RPS29: variants seen among roughly 807,000 people sequenced by gnomAD.
RPS29 encodes the protein ribosomal protein S29.
For missense variants in RPS29, 60 were observed against 75.7 expected, an observed-to-expected ratio of 0.79 and a Z score of 0.77; for synonymous variants, 37 against 26.9, an observed-to-expected ratio of 1.37 and a Z score of -1.16.
upstream of RPS29, among the ~76,000 whole-genome samples, chr14:49,588,536 C>CT (rs66796235): frequency 0.17 from 26,059 of 150,456 alleles, 2,521 homozygotes; most frequent in Admixed American, 0.27. Flanking sequence ...GTTTTTTTTC[C>CT]TTTTTTTTTG....
At chr14:49,587,759 C>T (rs1010360956), upstream of RPS29, among the ~76,000 whole-genome samples, 6 of 152,124 alleles carry the variant, frequency 3.9e-5, no homozygotes, top group African/African-American at 1.2e-4. Flanking sequence ...TGGGTGTGCT[C>T]ATGAAGTACG....
At chr14:49,587,915 G>A (rs1380792281), upstream of RPS29, among the ~76,000 whole-genome samples, 1 of 152,202 alleles carries the variant, frequency 6.6e-6, no homozygotes, top group Non-Finnish European at 1.5e-5. Flanking sequence ...AAGGTAAGGT[G>A]AACAACTTTG....
downstream of RPS29, among the ~76,000 whole-genome samples, chr14:49,582,076 G>C (rs1304002108): frequency 6.8e-6 from 1 of 147,486 alleles, no homozygotes; most frequent in African/African-American, 2.6e-5. Flanking sequence ...CCTAATGCAA[G>C]CAAATATCAC....
exon 3 of RPS29, chr14:49,574,113 A>G (rs1881120483): frequency 6.6e-6 from 1 of 152,232 alleles, no homozygotes; most frequent in Admixed American, 6.5e-5. Flanking sequence ...ATTACTCTTT[A>G]TGGGCAACTG....
intron 1 of RPS29, among the ~76,000 whole-genome samples, chr14:49,594,227 C>G (rs1343059351): frequency 6.6e-6 from 1 of 152,040 alleles, no homozygotes; most frequent in Non-Finnish European, 1.5e-5. Flanking sequence ...CCAAAATCAT[C>G]TTTTTACTGA....
upstream of RPS29, among the ~76,000 whole-genome samples, chr14:49,588,186 TA>T (rs544248264): frequency 3.1e-3 from 478 of 152,348 alleles, 4 homozygotes; most frequent in African/African-American, 0.011. Flanking sequence ...ATTCCATTAA[TA>T]TTTTTAGTAC....
At chr14:49,571,487 T>C (rs1212084740) in exon 3 of RPS29, 3 of 152,154 alleles carry the variant, frequency 2.0e-5, no homozygotes, top group Admixed American at 6.5e-5. Flanking sequence ...CACACCTGAA[T>C]TTGGGCTGGA....
chr14:49,590,506 T>A (rs1395778310), upstream of RPS29, among the ~76,000 whole-genome samples: 1 of 152,002 alleles, frequency 6.6e-6, no homozygotes, highest in African/African-American at 2.4e-5. Flanking sequence ...AAAACCTGCA[T>A]CGCTCTTGAG....
chr14:49,595,910 G>A (rs7150925), intron 1 of RPS29, among the ~76,000 whole-genome samples: 1,931 of 152,124 alleles, frequency 0.013, 39 homozygotes, highest in African/African-American at 0.043. Flanking sequence ...CTACTCAGGA[G>A]GCTGAGGCAG....
At chr14:49,572,524 A>T (rs1278980602) in exon 3 of RPS29, 1 of 152,140 alleles carries the variant, frequency 6.6e-6, no homozygotes, top group Admixed American at 6.5e-5. Context: ...AGAATAAATA[A>T]TTTTTTCCGA....
chr14:49,587,928 T>A (rs1881625834), upstream of RPS29, among the ~76,000 whole-genome samples: 1 of 152,230 alleles, frequency 6.6e-6, no homozygotes, highest in Non-Finnish European at 1.5e-5. Flanking sequence ...CAACTTTGTG[T>A]AACTAGAATA....
upstream of RPS29, among the ~76,000 whole-genome samples, chr14:49,590,321 C>A (rs780738277): frequency 5.3e-5 from 8 of 151,560 alleles, no homozygotes; most frequent in Non-Finnish European, 8.8e-5. Context: ...ACTAAAAATA[C>A]AAAAATTAGC....
At chr14:49,587,285 GACAAA>G (rs113799150), upstream of RPS29, among the ~76,000 whole-genome samples, 1,253 of 152,292 alleles carry the variant, frequency 8.2e-3, 15 homozygotes, top group African/African-American at 0.029. Flanking sequence ...ATAATTTGGT[GACAAA>G]ACAAGTAATG....
intron 1 of RPS29, 24 bp downstream of exon 1, chr14:49,586,261 C>G: frequency 6.2e-7 from 1 of 1,612,282 alleles, no homozygotes; most frequent in Non-Finnish European, 8.5e-7. Flanking sequence ...CAACGCTTCC[C>G]CAAAATCACA....
downstream of RPS29, among the ~76,000 whole-genome samples, chr14:49,582,755 G>C (rs753553841): frequency 2.0e-5 from 3 of 152,208 alleles, no homozygotes; most frequent in Non-Finnish European, 4.4e-5. Context: ...TAGGCTTCCA[G>C]ATGACAACGT....
At chr14:49,593,907 T>TAGA (rs1250866810) in intron 1 of RPS29, among the ~76,000 whole-genome samples, 1 of 152,022 alleles carries the variant, frequency 6.6e-6, no homozygotes, top group East Asian at 1.9e-4. Flanking sequence ...TTGTGATGAG[T>TAGA]AGAAATCCAT....
intron 1 of RPS29, chr14:49,597,696 T>C (rs1049542435): frequency 2.7e-5 from 4 of 149,460 alleles, no homozygotes; most frequent in African/African-American, 7.4e-5. Context: ...CAGGCTGGAG[T>C]GCCAGTGCGC....
intron 2 of RPS29, chr14:49,585,739 CTA>C: frequency 1.8e-6 from 1 of 560,120 alleles, no homozygotes; most frequent in South Asian, 2.4e-5. Context: ...GTAGGAAAGA[CTA>C]AGTCCTTCAC....
chr14:49,579,144 G>A (rs1383996730), downstream of RPS29, among the ~76,000 whole-genome samples: 5 of 152,160 alleles, frequency 3.3e-5, no homozygotes, highest in Admixed American at 2.6e-4. Context: ...TAGGTCATGA[G>A]AGGTCAACCC....
Sources: allele counts gnomAD v4.1 joint callset (sites outside exome capture counted in the v4.1 genomes callset), GRCh38; gene constraint gnomAD v4.1.1; transcripts MANE v1.5; gene names NCBI Gene and HGNC (gene_info 2026-07-23, HGNC 2026-07-21).